The following TNFAIP8 variants were observed in gnomAD, a reference collection of about 807,000 sequenced individuals.
TNFAIP8 encodes tumor necrosis factor alpha-induced protein 8.
In TNFAIP8, 7 loss-of-function variants were observed where a neutral mutation model predicts 13.3. That is an observed-to-expected ratio of 0.52 (90% CI 0.30 to 0.99). The LOEUF (loss-of-function observed/expected upper bound fraction) is 0.99, where lower values mean the gene tolerates loss of function less well. Ranked by LOEUF, TNFAIP8 falls within the 50% of genes least tolerant of loss-of-function variation. The pLI, the probability that TNFAIP8 is intolerant of heterozygous loss-of-function variation, is 0.07. For missense variants in TNFAIP8, 258 were observed against 236.9 expected (o/e 1.09, Z -0.58); for synonymous variants, 94 against 87.6 (o/e 1.07, Z -0.41).
chr5:119,287,336 C>T (rs1039656249), intron 1 of TNFAIP8, among the ~76,000 whole-genome samples: 10 of 46,028 alleles, frequency 2.2e-4, no homozygotes, highest in African/African-American at 4.3e-4. Context: ...ATATAATTGA[C>T]ACATAAAAAT....
rs115824088 is a variant in TNFAIP8 at position 119,303,935 on chromosome 5, A to G, written c.1+35028A>G. 7.4e-3 allele frequency among the ~76,000 whole-genome samples: 1,129 copies of G among 152,260 alleles called. 12 individuals are homozygous for G. Among genetic ancestry groups the G allele is most frequent in the African/African-American group, 0.026 (1,061 of 41,540 alleles). ...CGGTAAGTGAGTTCTAAATGTCAGT[A>G]TTTGAATGGAGGTTTTCTCAGCCTT... On this transcript the variant is annotated intron_variant, in intron 1 of 1. Transcript: ENST00000274456.
intron 1 of TNFAIP8, among the ~76,000 whole-genome samples, chr5:119,357,712 T>A (rs1297123448): frequency 6.6e-6 from 1 of 151,444 alleles, no homozygotes; most frequent in Non-Finnish European, 1.5e-5. Context: ...TTCCTCACCT[T>A]CCCTCCACTT....
At chr5:119,300,496 C>T (rs535814192) in intron 1 of TNFAIP8, among the ~76,000 whole-genome samples, 32 of 152,308 alleles carry the variant, frequency 2.1e-4, no homozygotes, top group African/African-American at 7.5e-4. Flanking sequence ...GTCCTTGCAA[C>T]TTAGAAACGA....
intron 1 of TNFAIP8, among the ~76,000 whole-genome samples, chr5:119,350,572 C>T (rs1051802349): frequency 6.6e-6 from 1 of 152,178 alleles, no homozygotes; most frequent in Non-Finnish European, 1.5e-5. Context: ...AGCTTTTTAA[C>T]AAGGAAGATT....
intron 1 of TNFAIP8, among the ~76,000 whole-genome samples, chr5:119,300,196 C>T (rs1749341965): frequency 6.6e-6 from 1 of 152,234 alleles, no homozygotes; most frequent in African/African-American, 2.4e-5. Context: ...CACCTGTCTT[C>T]TGTGTCGCTC....
At chr5:119,351,139 C>T (rs1195997976), upstream of TNFAIP8, among the ~76,000 whole-genome samples, 1 of 151,932 alleles carries the variant, frequency 6.6e-6, no homozygotes, top group Non-Finnish European at 1.5e-5. Flanking sequence ...CCTCCTGCCT[C>T]AGTCTCCCAA....
intron 1 of TNFAIP8, among the ~76,000 whole-genome samples, chr5:119,327,301 G>A (rs574741775): frequency 6.6e-6 from 1 of 152,172 alleles, no homozygotes; most frequent in Non-Finnish European, 1.5e-5. Flanking sequence ...GTACAGATGG[G>A]AAGAGGCCCA....
intron 1 of TNFAIP8, among the ~76,000 whole-genome samples, chr5:119,367,363 G>A (rs956697720): frequency 6.6e-6 from 1 of 152,144 alleles, no homozygotes; most frequent in African/African-American, 2.4e-5. Context: ...TAAATGAAAC[G>A]TGGAATGTCA....
intron 1 of TNFAIP8, chr5:119,391,287 G>A (rs1181872937): frequency 3.0e-6 from 2 of 676,624 alleles, no homozygotes; most frequent in Non-Finnish European, 5.4e-6. Context: ...AATCATTGAT[G>A]CCTTGACTCA....
At chr5:119,381,856 C>T (rs1323263529) in intron 1 of TNFAIP8, among the ~76,000 whole-genome samples, 3 of 151,896 alleles carry the variant, frequency 2.0e-5, no homozygotes, top group South Asian at 2.1e-4. Flanking sequence ...CGCTTGAACC[C>T]GGGAGGTGGA....
At chr5:119,288,493 T>C (rs1748875810) in intron 1 of TNFAIP8, among the ~76,000 whole-genome samples, 1 of 152,210 alleles carries the variant, frequency 6.6e-6, no homozygotes, top group Non-Finnish European at 1.5e-5. Context: ...CTTGAGCCAC[T>C]GGAAAAAAGT....
At chr5:119,392,105 A>C (rs1752915371) in intron 1 of TNFAIP8, among the ~76,000 whole-genome samples, 1 of 152,242 alleles carries the variant, frequency 6.6e-6, no homozygotes, top group Admixed American at 6.5e-5. Flanking sequence ...CAGAAATAGC[A>C]AGTGACAATG....
intron 1 of TNFAIP8, among the ~76,000 whole-genome samples, chr5:119,273,423 A>C (rs775725757): frequency 5.9e-5 from 9 of 151,840 alleles, no homozygotes; most frequent in Non-Finnish European, 1.2e-4. Flanking sequence ...AGGAGCCCAG[A>C]GAATGGGGTG....
Position 119,395,113 on chromosome 5 carries a change from T to C in TNFAIP8, c.*1732T>C, listed in dbSNP as rs929642775. The C allele has an allele frequency of 6.6e-6, 1 of 152,166 alleles. No homozygotes were observed. Among genetic ancestry groups the C allele is most frequent in the African/African-American group, 2.4e-5 (1 of 41,428 alleles). 9.4% of individuals were successfully genotyped at this position (152,166 alleles called of 1,614,324 possible). A position where few individuals can be genotyped will look rare whatever the true frequency, so the allele number is the denominator to read the frequency against. Reference sequence around the variant, plus strand: ...AGCAAAGGTGTAGAGTTTCTTCCTGTTTGATATTAAATCCTGACACTAAGA... The same window carrying C: ...AGCAAAGGTGTAGAGTTTCTTCCTGCTTGATATTAAATCCTGACACTAAGA... On this transcript the variant is annotated 3_prime_UTR_variant, in exon 2 of 2. Coordinates refer to ENST00000504771, the MANE Select transcript of TNFAIP8 (RefSeq NM_014350.4).
chr5:119,294,620 C>G (rs1183825237), intron 1 of TNFAIP8, among the ~76,000 whole-genome samples: 1 of 152,208 alleles, frequency 6.6e-6, no homozygotes, highest in African/African-American at 2.4e-5. Context: ...CATCTCCACA[C>G]TGACTTCCAC....
chr5:119,323,377 A>G (rs181059865), intron 1 of TNFAIP8, among the ~76,000 whole-genome samples: 22 of 152,190 alleles, frequency 1.4e-4, no homozygotes, highest in African/African-American at 5.1e-4. Flanking sequence ...CCTCAAGCAC[A>G]TTCCCACCCC....
At chr5:119,269,910 A>G (rs1383789222) in intron 1 of TNFAIP8, among the ~76,000 whole-genome samples, 1 of 152,236 alleles carries the variant, frequency 6.6e-6, no homozygotes, top group African/African-American at 2.4e-5. Context: ...TAGTTTCTTC[A>G]TCTATAAAAT....
chr5:119,278,352 GGA>G (rs1554167311), intron 1 of TNFAIP8, among the ~76,000 whole-genome samples: 1 of 123,136 alleles, frequency 8.1e-6, no homozygotes, highest in African/African-American at 3.5e-5. Context: ...ACAGGAAGGG[GGA>G]GAGAGAGAGA....
At chr5:119,286,872 C>T (rs1446283888) in intron 1 of TNFAIP8, among the ~76,000 whole-genome samples, 4 of 152,140 alleles carry the variant, frequency 2.6e-5, no homozygotes, top group Admixed American at 6.5e-5. Context: ...TGCACAGAGC[C>T]CAGAGGACAA....
Sources: allele counts gnomAD v4.1 joint callset (sites outside exome capture counted in the v4.1 genomes callset), GRCh38; gene constraint gnomAD v4.1.1; transcripts MANE v1.5; gene names NCBI Gene and HGNC (gene_info 2026-07-23, HGNC 2026-07-21).